ARHGEF1: variants seen among roughly 807,000 people sequenced by gnomAD.
ARHGEF1 encodes the protein Rho guanine nucleotide exchange factor 1, also known as 115 kDa guanine nucleotide exchange factor.
ARHGEF1 carries 40 observed loss-of-function variants against 119.7 expected under a neutral mutation model. The observed-to-expected ratio is 0.33, with a 90% CI of 0.26 to 0.44. The LOEUF is 0.44. Among genes scored for constraint, ARHGEF1 ranks in the 20% least tolerant of loss-of-function variants. The pLI, the probability that ARHGEF1 is intolerant of heterozygous loss-of-function variation, is 1.00. For missense variants in ARHGEF1, 976 were observed against 1,268.3 expected (o/e 0.77, Z 3.50); for synonymous variants, 494 against 521.0 (o/e 0.95, Z 0.71).
At chr19:41,909,529 G>A, downstream of ARHGEF1, 1 of 1,203,130 alleles carries the variant, frequency 8.3e-7, no homozygotes. This position sits in a 1 kb window ranked among gnomAD's most constrained non-coding sequence, Gnocchi z 5.2. Flanking sequence ...GCGGGATCTG[G>A]GGTTTCTTAA....
chr19:41,884,586 G>A (rs1228798659), intron 1 of ARHGEF1: 19 of 1,512,398 alleles, frequency 1.3e-5, no homozygotes, highest in Non-Finnish European at 1.7e-5. Flanking sequence ...TCCCCCGTAG[G>A]ATTTAGGGCC....
intron 1 of ARHGEF1, among the ~76,000 whole-genome samples, chr19:41,884,081 G>A (rs181681711): frequency 6.6e-6 from 1 of 152,346 alleles, no homozygotes; most frequent in Admixed American, 6.5e-5. Context: ...AATAGGACGG[G>A]GAGCCCCAGT....
upstream of ARHGEF1, among the ~76,000 whole-genome samples, chr19:41,919,450 C>G (rs992927428): frequency 2.0e-5 from 3 of 151,990 alleles, no homozygotes; most frequent in Non-Finnish European, 4.4e-5. Context: ...TGTTATGAAC[C>G]AACACTCAAG....
chr19:41,902,926 C>T lies in ARHGEF1; in HGVS notation c.1738+28C>T, dbSNP rs373544032. On this transcript the variant is annotated intron_variant, in intron 18 of 28. Coordinates refer to ENST00000354532, the MANE Select transcript of ARHGEF1 (RefSeq NM_004706.4). This position sits in a 1 kb window ranked among gnomAD's most constrained non-coding sequence, Gnocchi z 6.5. ...ACCGCGGGCCTGGATCTCTGGGCCT[C>T]GGCTCTCCTCTTTTTTTTTTACATT... The T allele has an allele frequency of 9.9e-6, 15 of 1,514,704 alleles. No homozygotes were observed. The highest frequency in any genetic ancestry group is 9.9e-5 in the African/African-American group (7 of 70,892). The allele number at this position is 1,514,704 out of a possible 1,614,324, so 93.8% of individuals were successfully genotyped here.
chr19:41,909,900 G>T, downstream of ARHGEF1: 1 of 1,613,498 alleles, frequency 6.2e-7, no homozygotes, highest in Non-Finnish European at 8.5e-7. This position sits in a 1 kb window ranked among gnomAD's most constrained non-coding sequence, Gnocchi z 5.2. Flanking sequence ...TTCATGTGGG[G>T]CTTGCATTTG....
downstream of ARHGEF1, chr19:41,909,108 C>T (rs1200042963): frequency 1.2e-5 from 15 of 1,231,764 alleles, no homozygotes; most frequent in African/African-American, 1.6e-5. This position sits in a 1 kb window ranked among gnomAD's most constrained non-coding sequence, Gnocchi z 5.2. Flanking sequence ...TTATCTGTCT[C>T]GGAGGTGAAC....
intron 1 of ARHGEF1, among the ~76,000 whole-genome samples, chr19:41,926,047 A>T (rs988416389): frequency 6.6e-6 from 1 of 151,940 alleles, no homozygotes; most frequent in African/African-American, 2.4e-5. Flanking sequence ...AAGAAATACG[A>T]ATGTGTGAGG....
chr19:41,913,513 A>G (rs2074767123), intron 18 of ARHGEF1, among the ~76,000 whole-genome samples: 1 of 149,536 alleles, frequency 6.7e-6, no homozygotes, highest in African/African-American at 2.5e-5. Flanking sequence ...GACGGGCTGC[A>G]GGGGGGCAGG....
At position 41,903,808 on chromosome 19, in the gene ARHGEF1, C is replaced by G. The variant is rs782054463; in HGVS notation, c.1917+24C>G. The G allele has an allele frequency of 2.5e-6, 4 of 1,610,262 alleles. No homozygotes were observed. In the Admixed American group the frequency reaches 6.7e-5, roughly 27 times the overall value. On this transcript the variant is annotated intron_variant, in intron 20 of 28. Coordinates refer to ENST00000354532, the MANE Select transcript of ARHGEF1 (RefSeq NM_004706.4). This position sits in a 1 kb window ranked among gnomAD's most constrained non-coding sequence, Gnocchi z 4.2. ...AGGTGTGACCATACCCTCCTGCCTC[C>G]CCCGCCCCCCTACTCCTTGGCCCAG...
In ARHGEF1 at chr19:41,888,052, CT is replaced by C; in HGVS notation, c.-19-11del. On this transcript the variant is annotated splice_polypyrimidine_tract_variant and intron_variant, in intron 1 of 28. Transcript: ENST00000354532. This position sits in a 1 kb window ranked among gnomAD's most constrained non-coding sequence, Gnocchi z 5.1. ...CCCACCCTCCTAACCACAGCCCCTC[CT>C]CTTCCTCCAGCCCTGCAGAGCCCAG... The C allele has an allele frequency of 6.2e-7, 1 of 1,612,078 alleles. No individual in the cohort carries two copies. Among genetic ancestry groups the C allele is most frequent in the Non-Finnish European group, 8.5e-7 (1 of 1,179,748 alleles).
downstream of ARHGEF1, chr19:41,909,754 T>C: frequency 8.0e-7 from 1 of 1,254,832 alleles, no homozygotes. This position sits in a 1 kb window ranked among gnomAD's most constrained non-coding sequence, Gnocchi z 5.2. Context: ...CGCACAGCCC[T>C]GTGCCTTGTG....
In ARHGEF1 at chr19:41,903,662, C is replaced by G. The variant is rs782309468; in HGVS notation, c.1840-45C>G. 1 of 1,594,134 alleles carries G rather than the reference C, an allele frequency of 6.3e-7. No individual in the cohort carries two copies. The highest frequency in any genetic ancestry group is 8.6e-7 in the Non-Finnish European group (1 of 1,166,766). ...CCAATGTGGGTCACTGCAGGTCAGC[C>G]CCAGCACTTAGCTTGTCCCCATAAT... On this transcript the variant is annotated intron_variant, in intron 19 of 28. Coordinates refer to ENST00000354532, the MANE Select transcript of ARHGEF1 (RefSeq NM_004706.4). This position sits in a 1 kb window ranked among gnomAD's most constrained non-coding sequence, Gnocchi z 4.2.
In ARHGEF1 at chr19:41,904,492, G is replaced by T. The variant is rs2074657693; in HGVS notation, c.2161+109G>T. 8 of 1,336,536 alleles carry T rather than the reference G, an allele frequency of 6.0e-6. No individual in the cohort carries two copies. Among genetic ancestry groups the T allele is most frequent in the African/African-American group, 4.4e-5 (3 of 68,042 alleles). 82.8% of individuals were successfully genotyped at this position (1,336,536 alleles called of 1,614,324 possible). A position where few individuals can be genotyped will look rare whatever the true frequency, so the allele number is the denominator to read the frequency against. On this transcript the variant is annotated intron_variant, in intron 22 of 28. Coordinates refer to ENST00000354532, the MANE Select transcript of ARHGEF1 (RefSeq NM_004706.4). This position sits in a 1 kb window ranked among gnomAD's most constrained non-coding sequence, Gnocchi z 8.4. ...AGAGAGCCAGGGAGCCAGCATTCTAGCAAAGAGGTTGAGAAGTAGGTGGAG... is the reference window on the plus strand; with the variant it reads ...AGAGAGCCAGGGAGCCAGCATTCTATCAAAGAGGTTGAGAAGTAGGTGGAG...
intron 4 of ARHGEF1, chr19:41,890,658 TA>T (rs1240053434): frequency 6.6e-6 from 1 of 151,428 alleles, no homozygotes; most frequent in East Asian, 1.9e-4. Flanking sequence ...TACACACCTG[TA>T]ATTCCAGCTA....
rs182236863 is a variant in ARHGEF1, at chr19:41,886,176, G to A, written c.-19-1888G>A. Among the ~76,000 whole-genome samples, 49 of 152,202 alleles carry A rather than the reference G, an allele frequency of 3.2e-4. No individual in the cohort carries two copies. The Middle Eastern group carries it at 0.014, about 43-fold the overall frequency. The stretch of plus-strand genomic sequence containing the variant: ...GAGGTGAGAATAATAATGATCTCTT[G>A]GAGTCACCGAGAGGATTAAATGAGT... On this transcript the variant is annotated intron_variant, in intron 1 of 28. Coordinates refer to ENST00000354532, the MANE Select transcript of ARHGEF1 (RefSeq NM_004706.4).
At chr19:41,894,408 C>G in intron 9 of ARHGEF1, 43 bp from the exon 10 acceptor site, 1 of 1,528,754 alleles carries the variant, frequency 6.5e-7, no homozygotes, top group Admixed American at 2.1e-5. Flanking sequence ...TTGTTGTTGT[C>G]TCAGAGATGC....
rs1388514400 is a variant in ARHGEF1 at position 41,917,490 on chromosome 19, C to A, written c.1866-5602C>A. ...CCTCACCCAGGCCCCCCCATCCCCA[C>A]CTCCCCTTAACACAATCTGCACAAT... is the stretch of plus-strand genomic sequence containing the variant. On this transcript the variant is annotated intron_variant, in intron 18 of 20. Transcript: ENST00000599589. This position sits in a 1 kb window ranked among gnomAD's most constrained non-coding sequence, Gnocchi z 4.8. Among the ~76,000 whole-genome samples, 7 of 151,448 alleles carry A rather than the reference C, an allele frequency of 4.6e-5. No individual in the cohort carries two copies. Among genetic ancestry groups the A allele is most frequent in the Admixed American group, 4.6e-4 (7 of 15,214 alleles).
At position 41,906,557 on chromosome 19, in the gene ARHGEF1, A is replaced by G; in HGVS notation, c.2592A>G (p.Pro864=). The G allele has an allele frequency of 6.3e-7, 1 of 1,598,418 alleles. No homozygotes were observed. Among genetic ancestry groups the G allele is most frequent in the Non-Finnish European group, 8.5e-7 (1 of 1,175,784 alleles). Residue 864 remains proline (P), a synonymous_variant, in exon 27 of 29, where the codon CCA becomes CCG. Transcript: ENST00000354532. This position sits in a 1 kb window ranked among gnomAD's most constrained non-coding sequence, Gnocchi z 4.5. ...TCCCAGGGGGCGGCCCCCTGAGCCCAGCACGGACCCAGGAAATCCAGGAGA... is the reference window on the plus strand; with the variant it reads ...TCCCAGGGGGCGGCCCCCTGAGCCCGGCACGGACCCAGGAAATCCAGGAGA... ...DGVPGGGPLS[P]ARTQEIQENL... is the part of the protein sequence containing the mutation.
rs1458005620 is a variant in ARHGEF1, at chr19:41,902,185, C to T, written c.1415-89C>T. On this transcript the variant is annotated intron_variant, in intron 15 of 28. Coordinates refer to ENST00000354532, the MANE Select transcript of ARHGEF1 (RefSeq NM_004706.4). This position sits in a 1 kb window ranked among gnomAD's most constrained non-coding sequence, Gnocchi z 6.5. Reference sequence around the variant, plus strand: ...TCCCGAGGATCAGACACAGACACACCTGCAGCCCTACCCCCACCACACCGC... The same window carrying T: ...TCCCGAGGATCAGACACAGACACACTTGCAGCCCTACCCCCACCACACCGC... 4 of 1,570,442 alleles carry T rather than the reference C, an allele frequency of 2.5e-6. No individual in the cohort carries two copies. Among genetic ancestry groups the T allele is most frequent in the African/African-American group, 1.3e-5 (1 of 74,138 alleles).
Sources: gnomAD v4.1 joint callset for allele counts (sites outside exome capture counted in the v4.1 genomes callset) on GRCh38, gnomAD v4.1.1 for gene constraint, Gnocchi (gnomAD v3.1) non-coding constraint, MANE v1.5 for transcripts, NCBI Gene and HGNC (gene_info 2026-07-23, HGNC 2026-07-21) for gene names.